Variants in KDM1B observed in about 807,000 individuals in gnomAD.
The protein encoded by KDM1B is lysine-specific histone demethylase 2.
Under a neutral mutation model 107.4 loss-of-function variants are expected in KDM1B, and 63 were observed. That is an observed-to-expected ratio of 0.59 (90% CI 0.48 to 0.72). The LOEUF (loss-of-function observed/expected upper bound fraction) is 0.72. Among genes scored for constraint, KDM1B ranks in the 30% least tolerant of loss-of-function variants. The pLI, the probability that KDM1B is intolerant of heterozygous loss-of-function variation, is 0.00. For synonymous variants in KDM1B, 363 were observed against 363.9 expected (o/e 1.00, Z 0.03); for missense variants, 749 against 1,020.8 (o/e 0.73, Z 3.63).
Position 18,222,498 on chromosome 6 carries a change from T to G in KDM1B, c.*506T>G, listed in dbSNP as rs1028644875. On this transcript the variant is annotated 3_prime_UTR_variant, in exon 22 of 22. Transcript: ENST00000650836. Reference sequence around the variant, plus strand: ...TTTACTTAAAATTTAGATAGAACTTTTTTTTGGATACAGCACAAACTCCAG... The same window carrying G: ...TTTACTTAAAATTTAGATAGAACTTGTTTTTGGATACAGCACAAACTCCAG... 2.4e-5 allele frequency: 5 copies of G among 204,772 alleles called. No individual in the cohort carries two copies. Among genetic ancestry groups the G allele is most frequent in the Non-Finnish European group, 5.0e-5 (5 of 99,314 alleles). The allele number at this position is 204,772 out of a possible 1,614,324, so 12.7% of individuals were successfully genotyped here.
At chr6:18,210,530 A>ATTT (rs1561952041) in intron 17 of KDM1B, among the ~76,000 whole-genome samples, 2 of 149,584 alleles carry the variant, frequency 1.3e-5, no homozygotes, top group African/African-American at 4.9e-5. Flanking sequence ...GCTAATTAAA[A>ATTT]ATTTTTTTTT....
At position 18,222,508 on chromosome 6, in the gene KDM1B, A is replaced by G. The variant is rs1789835928; in HGVS notation, c.*516A>G. ...ATTTAGATAGAACTTTTTTTTGGAT[A>G]CAGCACAAACTCCAGTTGACAGTAA... On this transcript the variant is annotated 3_prime_UTR_variant, in exon 22 of 22. Coordinates refer to ENST00000650836, the MANE Select transcript of KDM1B (RefSeq NM_001364614.2). 1 of 202,526 alleles carries G rather than the reference A, an allele frequency of 4.9e-6. No homozygotes were observed. The highest frequency in any genetic ancestry group is 7.9e-5 in the South Asian group (1 of 12,738). The allele number at this position is 202,526 out of a possible 1,614,324, so 12.5% of individuals were successfully genotyped here. A position where few individuals can be genotyped will look rare whatever the true frequency, so the allele number is the denominator to read the frequency against.
intron 2 of KDM1B, among the ~76,000 whole-genome samples, chr6:18,158,102 C>A (rs139234580): frequency 4.0e-5 from 6 of 151,878 alleles, no homozygotes; most frequent in Non-Finnish European, 7.4e-5. Context: ...CGTGAGCCAC[C>A]GCGCTGGCCG....
At chr6:18,166,422 C>A (rs1785298425) in intron 6 of KDM1B, 44 bp downstream of exon 6, 1 of 1,118,386 alleles carries the variant, frequency 8.9e-7, no homozygotes, top group Non-Finnish European at 1.4e-6. Flanking sequence ...TTTGTGGAGC[C>A]AAATGCAAGA....
In KDM1B at chr6:18,166,227, C is replaced by T. The variant is rs374925852; in HGVS notation, c.306-40C>T. 56 of 944,160 alleles carry T rather than the reference C, an allele frequency of 5.9e-5. No homozygotes were observed. The African/African-American group carries it at 6.5e-4, about 11-fold the overall frequency. 58.5% of individuals were successfully genotyped at this position (944,160 alleles called of 1,614,324 possible). A position where few individuals can be genotyped will look rare whatever the true frequency, so the allele number is the denominator to read the frequency against. On this transcript the variant is annotated intron_variant, in intron 5 of 21. Transcript: ENST00000650836. ...GAAAAACCTGATTGCTTATAGCAAT[C>T]GATATATTAATCGATATATTAATTT... is the stretch of plus-strand genomic sequence containing the variant.
chr6:18,217,418 G>T (rs1057312481), intron 20 of KDM1B, among the ~76,000 whole-genome samples: 1 of 137,486 alleles, frequency 7.3e-6, no homozygotes, highest in Admixed American at 8.0e-5. Flanking sequence ...TGGCTCTGTT[G>T]CCCAGGCTGG....
intron 9 of KDM1B, among the ~76,000 whole-genome samples, chr6:18,190,149 C>T (rs981410047): frequency 1.7e-5 from 2 of 114,748 alleles, no homozygotes; most frequent in Non-Finnish European, 4.1e-5. Flanking sequence ...GACTCTGTCT[C>T]GAGAAAAAAA....
At chr6:18,219,517 A>T (rs557822470) in intron 21 of KDM1B, among the ~76,000 whole-genome samples, 1 of 152,270 alleles carries the variant, frequency 6.6e-6, no homozygotes, top group South Asian at 2.1e-4. Context: ...CTTTATGAGC[A>T]CTTTCTTGTT....
chr6:18,222,657 GAA>G lies in KDM1B; in HGVS notation c.*667_*668del. ...ATTTGTGCACCCATTGGCAAAACAG[GAA>G]AGTTTCCAGATAGGTATTGTATCAT... On this transcript the variant is annotated 3_prime_UTR_variant, in exon 22 of 22. Coordinates refer to ENST00000650836, the MANE Select transcript of KDM1B (RefSeq NM_001364614.2). 6.3e-6 allele frequency: 1 copy of G among 159,970 alleles called. No individual in the cohort carries two copies. The highest frequency in any genetic ancestry group is 1.9e-4 in the East Asian group (1 of 5,380). 9.9% of individuals were successfully genotyped at this position (159,970 alleles called of 1,614,324 possible).
intron 7 of KDM1B, among the ~76,000 whole-genome samples, chr6:18,183,763 G>C (rs1434634347): frequency 6.6e-6 from 1 of 152,064 alleles, no homozygotes; most frequent in Non-Finnish European, 1.5e-5. Flanking sequence ...AGACTTTGGT[G>C]TGTTAATACC....
At chr6:18,195,060 T>C (rs972709385) in intron 10 of KDM1B, among the ~76,000 whole-genome samples, 2 of 152,238 alleles carry the variant, frequency 1.3e-5, no homozygotes, top group Non-Finnish European at 2.9e-5. Flanking sequence ...CTTTTATGAC[T>C]GGCTTCTTTT....
chr6:18,217,925 AT>A lies in KDM1B; in HGVS notation c.2385+43del, dbSNP rs769215198. 3.0e-5 allele frequency: 48 copies of A among 1,590,010 alleles called. No individual in the cohort carries two copies. In the Admixed American group the frequency reaches 8.5e-4, roughly 28 times the overall value. ...TCCAAACCCAATTATTTGTATTTTG[AT>A]TTCTGTCTTTCATCTAAAATGATAT... is the stretch of plus-strand genomic sequence containing the variant. On this transcript the variant is annotated intron_variant, in intron 21 of 21. Coordinates refer to ENST00000650836, the MANE Select transcript of KDM1B (RefSeq NM_001364614.2).
intron 5 of KDM1B, 45 bp from the exon 6 acceptor site, chr6:18,166,222 G>A: frequency 2.2e-6 from 2 of 902,116 alleles, no homozygotes; most frequent in South Asian, 1.3e-5. Context: ...ATTGCTTATA[G>A]CAATCGATAT....
chr6:18,169,111 A>T (rs1402403185), intron 6 of KDM1B, among the ~76,000 whole-genome samples: 1 of 151,912 alleles, frequency 6.6e-6, no homozygotes, highest in Non-Finnish European at 1.5e-5. Flanking sequence ...ATGTCAGGTG[A>T]TCTGCTCGCC....
Position 18,213,617 on chromosome 6 carries a change from G to C in KDM1B, c.1984-39G>C. 2 of 1,611,032 alleles carry C rather than the reference G, an allele frequency of 1.2e-6. No homozygotes were observed. Among genetic ancestry groups the C allele is most frequent in the Non-Finnish European group, 8.5e-7 (1 of 1,177,648 alleles). On this transcript the variant is annotated intron_variant, in intron 18 of 21. Coordinates refer to ENST00000650836, the MANE Select transcript of KDM1B (RefSeq NM_001364614.2). The surrounding 1 kb of genome is among the most constrained non-coding windows in gnomAD (Gnocchi z 5.9). ...TAGATATTGCCTGTGGTTTTGTGACGACAGACACCTAACCACCTTTCTTCT... is the reference window on the plus strand; with the variant it reads ...TAGATATTGCCTGTGGTTTTGTGACCACAGACACCTAACCACCTTTCTTCT...
intron 5 of KDM1B, 139 bp from the exon 6 acceptor site, chr6:18,166,128 A>G: frequency 3.5e-6 from 2 of 578,012 alleles, no homozygotes; most frequent in Non-Finnish European, 6.3e-6. Flanking sequence ...TGGGTGCCAT[A>G]ATAACTTTCT....
At chr6:18,194,897 T>C (rs889930382) in intron 10 of KDM1B, among the ~76,000 whole-genome samples, 1 of 152,182 alleles carries the variant, frequency 6.6e-6, no homozygotes, top group Non-Finnish European at 1.5e-5. Flanking sequence ...CCAGAACTTT[T>C]TCATTATCCC....
rs930633516 is a variant in KDM1B, at chr6:18,211,203, A to G, written c.1867-1285A>G. Among the ~76,000 whole-genome samples the G allele has an allele frequency of 6.6e-6, 1 of 152,192 alleles. No homozygotes were observed. Among genetic ancestry groups the G allele is most frequent in the Non-Finnish European group, 1.5e-5 (1 of 68,028 alleles). The stretch of plus-strand genomic sequence containing the variant: ...TGGCAGAAAATAGTGACAAAATCAG[A>G]GAACTCTGAACTTCCTGTGATCCTA... On this transcript the variant is annotated intron_variant, in intron 17 of 21. Coordinates refer to ENST00000650836, the MANE Select transcript of KDM1B (RefSeq NM_001364614.2). This position sits in a 1 kb window ranked among gnomAD's most constrained non-coding sequence, Gnocchi z 5.2.
chr6:18,215,031 G>A lies in KDM1B; in HGVS notation c.2134G>A (p.Val712Met). 1 of 1,614,068 alleles carries A rather than the reference G, an allele frequency of 6.2e-7. No individual in the cohort carries two copies. Among genetic ancestry groups the A allele is most frequent in the Non-Finnish European group, 8.5e-7 (1 of 1,179,986 alleles). Residue 712 changes from valine (V) to methionine (M), a missense_variant, in exon 20 of 22, where the codon GTG becomes ATG. Val to Met is a conservative substitution (Grantham distance 21). Transcript: ENST00000650836. ...PQKKHSVLMSVIAGEAVASVR... is the reference protein window; with the variant it reads ...PQKKHSVLMSMIAGEAVASVR... ...GAAGAAGCACAGCGTGCTGATGTCT[G>A]TGATTGCCGGGGAGGCTGTCGCATC...
Sources: allele counts gnomAD v4.1 joint callset (sites outside exome capture counted in the v4.1 genomes callset), GRCh38; gene constraint gnomAD v4.1.1; non-coding constraint Gnocchi (gnomAD v3.1); transcripts MANE v1.5; gene names NCBI Gene and HGNC (gene_info 2026-07-23, HGNC 2026-07-21).